The following LRCH3 variants were observed in gnomAD, a reference collection of about 807,000 sequenced individuals.
LRCH3 encodes DISP complex protein LRCH3.
LRCH3 carries 68 observed loss-of-function variants against 104.5 expected under a neutral mutation model. The ratio of observed to expected loss-of-function variants is 0.65; its 90% CI spans 0.54 to 0.80. The LOEUF is 0.80. LRCH3 is among the 30% of genes least tolerant of loss of function. The pLI, the probability that LRCH3 is intolerant of heterozygous loss-of-function variation, is 0.00. For synonymous variants in LRCH3, 344 were observed against 361.3 expected (o/e 0.95, Z 0.54); for missense variants, 951 against 953.9 (o/e 1.00, Z 0.04).
chr3:197,879,766 A>T (rs1019841235), intron 20 of LRCH3, among the ~76,000 whole-genome samples: 1 of 151,670 alleles, frequency 6.6e-6, no homozygotes, highest in Non-Finnish European at 1.5e-5. Context: ...TTTGATGTAC[A>T]TGGCTTTCTC....
At chr3:197,878,638 A>G (rs1337348310) in intron 20 of LRCH3, among the ~76,000 whole-genome samples, 1 of 152,056 alleles carries the variant, frequency 6.6e-6, no homozygotes, top group Non-Finnish European at 1.5e-5. Context: ...CCAGTTTTAC[A>G]CGGCTTCCTA....
chr3:197,867,427 A>T (rs1369804954), intron 17 of LRCH3, among the ~76,000 whole-genome samples: 51 of 151,472 alleles, frequency 3.4e-4, no homozygotes, highest in Admixed American at 3.2e-3. Flanking sequence ...AAAAAAAATT[A>T]AAAAATAGGC....
At chr3:197,839,603 T>G (rs930197802) in intron 10 of LRCH3, among the ~76,000 whole-genome samples, 1 of 152,194 alleles carries the variant, frequency 6.6e-6, no homozygotes, top group Non-Finnish European at 1.5e-5. Context: ...AATCATTACC[T>G]ACACAGTTAA....
chr3:197,792,577 T>TATATATATATATATATATA (rs1730660774), intron 1 of LRCH3, among the ~76,000 whole-genome samples: 2 of 20,330 alleles, frequency 9.8e-5, no homozygotes, highest in African/African-American at 2.3e-4. Flanking sequence ...CCAGCTAATT[T>TATATATATATATATATATA]TATATATATA....
intron 9 of LRCH3, among the ~76,000 whole-genome samples, chr3:197,837,438 G>A (rs1185681834): frequency 6.6e-6 from 1 of 151,994 alleles, no homozygotes; most frequent in Admixed American, 6.5e-5. Context: ...TGACTTCTGT[G>A]TCATAAAGCT....
intron 4 of LRCH3, among the ~76,000 whole-genome samples, chr3:197,822,565 A>G (rs1580649902): frequency 1.3e-5 from 2 of 152,172 alleles, no homozygotes. Context: ...AAATAGTTTC[A>G]ATTTTTTTAA....
intron 15 of LRCH3, among the ~76,000 whole-genome samples, chr3:197,862,409 T>C (rs1348064826): frequency 1.3e-5 from 2 of 152,266 alleles, no homozygotes; most frequent in Non-Finnish European, 2.9e-5. Flanking sequence ...CTTAATACTT[T>C]TAAATTTCTA....
Position 197,854,067 on chromosome 3 carries a change from T to C in LRCH3, c.1591-325T>C, listed in dbSNP as rs9325410. On this transcript the variant is annotated intron_variant, in intron 13 of 20. Transcript: ENST00000425562. The surrounding 1 kb of genome is among the most constrained non-coding windows in gnomAD (Gnocchi z 4.5). The stretch of plus-strand genomic sequence containing the variant: ...TTATGACTCTGGGCTTCTTGTTTGT[T>C]ACTGGCTCACTAAATGACCATAGGT... Among the ~76,000 whole-genome samples, 84,631 of 152,014 alleles carry C rather than the reference T, an allele frequency of 0.56. 23,864 individuals carry two copies. The highest frequency in any genetic ancestry group is 0.63 in the African/African-American group (26,011 of 41,440).
intron 10 of LRCH3, among the ~76,000 whole-genome samples, chr3:197,842,643 C>T (rs1231589928): frequency 6.6e-6 from 1 of 152,040 alleles, no homozygotes; most frequent in East Asian, 1.9e-4. Flanking sequence ...TACCGCTACC[C>T]ACATAGAGTC....
At chr3:197,809,524 C>T (rs1732880505) in intron 1 of LRCH3, among the ~76,000 whole-genome samples, 2 of 151,846 alleles carry the variant, frequency 1.3e-5, no homozygotes, top group South Asian at 4.2e-4. Context: ...TGCCAGGATT[C>T]TGATGACATG....
At chr3:197,881,197 GTTAC>G (rs1294695996) in intron 20 of LRCH3, 1 of 1,005,110 alleles carries the variant, frequency 9.9e-7, no homozygotes, top group Non-Finnish European at 1.2e-6. Context: ...GCCGCACCCG[GTTAC>G]TTAGATTTCT....
chr3:197,820,504 C>T, intron 4 of LRCH3, 74 bp downstream of exon 4: 2 of 1,032,112 alleles, frequency 1.9e-6, no homozygotes, highest in South Asian at 2.8e-5. Context: ...CCAATCAAGA[C>T]AAAAATGTAT....
At chr3:197,825,207 AGATTT>A (rs1428431347) in intron 4 of LRCH3, among the ~76,000 whole-genome samples, 5 of 152,136 alleles carry the variant, frequency 3.3e-5, no homozygotes, top group Admixed American at 1.3e-4. Context: ...GCTCTCTGGA[AGATTT>A]TAAGATGGTC....
intron 1 of LRCH3, among the ~76,000 whole-genome samples, chr3:197,809,708 GC>G (rs1158128267): frequency 2.0e-5 from 3 of 151,662 alleles, no homozygotes; most frequent in Admixed American, 6.6e-5. Flanking sequence ...CATCCATTGA[GC>G]TTTTTCTGTG....
At chr3:197,842,817 GCTTATGT>G (rs1407665404) in intron 10 of LRCH3, among the ~76,000 whole-genome samples, 2 of 152,268 alleles carry the variant, frequency 1.3e-5, no homozygotes, top group Admixed American at 1.3e-4. Context: ...GGGTGCAGTG[GCTTATGT>G]CTGTAATCCC....
chr3:197,881,080 C>G, intron 20 of LRCH3: 1 of 1,074,970 alleles, frequency 9.3e-7, no homozygotes, highest in South Asian at 3.1e-5. Context: ...AATACAACTC[C>G]CATCTGGCCA....
Position 197,886,413 on chromosome 3 carries a change from G to A in LRCH3, c.*2747G>A, listed in dbSNP as rs917111418. 1 of 152,028 alleles carries A rather than the reference G, an allele frequency of 6.6e-6. No homozygotes were observed. The highest frequency in any genetic ancestry group is 2.4e-5 in the African/African-American group (1 of 41,398). 9.4% of individuals were successfully genotyped at this position (152,028 alleles called of 1,614,324 possible). On this transcript the variant is annotated 3_prime_UTR_variant, in exon 21 of 21. Transcript: ENST00000425562. The stretch of plus-strand genomic sequence containing the variant: ...TAGAACAAAAGTAAAATGTCTTTAT[G>A]TAAGACCCCATTATATTTACAGTTC...
intron 10 of LRCH3, among the ~76,000 whole-genome samples, chr3:197,844,677 G>A (rs938798287): frequency 1.3e-5 from 2 of 152,074 alleles, no homozygotes; most frequent in African/African-American, 4.8e-5. Context: ...GAGTGCAGTG[G>A]CGCGATCTTG....
rs377672366 is a variant in LRCH3, at chr3:197,832,308, A to G, written c.1093A>G (p.Asn365Asp). ...QENRGSLVVT[N>D]GGVEHDLDQI... is the part of the protein sequence containing the mutation. The stretch of plus-strand genomic sequence containing the variant: ...GAACCGCGGCAGTTTGGTAGTAACA[A>G]ACGGCGGAGGTAAACATAATTCCGG... The change falls in exon 8 of 21, where the codon AAC (asparagine) becomes GAC (aspartate). Residue 365 changes from asparagine (N) to aspartate (D), a missense_variant. Transcript: ENST00000425562. The G allele has an allele frequency of 1.7e-5, 27 of 1,613,504 alleles. No individual in the cohort carries two copies. The highest frequency in any genetic ancestry group is 1.9e-5 in the Non-Finnish European group (23 of 1,179,608).
Sources: allele counts gnomAD v4.1 joint callset (sites outside exome capture counted in the v4.1 genomes callset), GRCh38; gene constraint gnomAD v4.1.1; non-coding constraint Gnocchi (gnomAD v3.1); transcripts MANE v1.5; gene names NCBI Gene and HGNC (gene_info 2026-07-23, HGNC 2026-07-21).